Variants in POLR2E observed in about 807,000 individuals in gnomAD.
POLR2E encodes DNA-directed RNA polymerases I, II, and III subunit RPABC1.
In POLR2E, 35 loss-of-function variants were observed where a neutral mutation model predicts 29.8. The observed-to-expected ratio is 1.17, with a 90% CI of 0.90 to 1.55. The LOEUF is 1.55. POLR2E is among the 40% of genes most tolerant of loss of function. The pLI is 0.00. For synonymous variants in POLR2E, 174 were observed against 112.6 expected (o/e 1.55, Z -3.45); for missense variants, 287 against 288.6 (o/e 0.99, Z 0.04).
rs1280634728 is a variant in POLR2E, at chr19:1,094,018, A to C, written c.118T>G (p.Phe40Val). The change falls in exon 2 of 8, where the codon TTC becomes GTC. Residue 40 changes from phenylalanine to valine, a missense_variant. Phe to Val is a conservative substitution (Grantham distance 50, BLOSUM62 -1). Transcript: ENST00000615234. ...GGCTTGTCCCCAGATTGGGCTTTGA[A>C]CTCCTCCAGGGTCTGGTCAAGCTCG... ...QDELDQTLEE[F>V]KAQSGDKPSE... 1.2e-6 allele frequency: 2 copies of C among 1,613,392 alleles called. No homozygotes were observed. The highest frequency in any genetic ancestry group is 1.7e-6 in the Non-Finnish European group (2 of 1,179,800).
chr19:1,088,234 A>G lies in POLR2E; in HGVS notation c.*501T>C, dbSNP rs1363621838. 2 of 152,302 alleles carry G rather than the reference A, an allele frequency of 1.3e-5. No homozygotes were observed. Among genetic ancestry groups the G allele is most frequent in the South Asian group, 2.1e-4 (1 of 4,834 alleles). 9.4% of individuals were successfully genotyped at this position (152,302 alleles called of 1,614,324 possible). ...TGAAAACACCCAACCTCCTACAACA[A>G]CCGAGAACTCCAGAGCTGGCATCTC... On this transcript the variant is annotated 3_prime_UTR_variant, in exon 8 of 8. Coordinates refer to ENST00000615234, the MANE Select transcript of POLR2E (RefSeq NM_002695.5).
chr19:1,089,684 C>T (rs1012284653), intron 6 of POLR2E, 133 bp from the exon 7 acceptor site: 31 of 840,882 alleles, frequency 3.7e-5, no homozygotes, highest in East Asian at 5.3e-5. Flanking sequence ...CTGTGGGACC[C>T]GCTCCCTGGG....
Position 1,093,165 on chromosome 19 carries a change from G to A in POLR2E, c.232+739C>T, listed in dbSNP as rs886275187. Among the ~76,000 whole-genome samples, 7 of 151,846 alleles carry A rather than the reference G, an allele frequency of 4.6e-5. No homozygotes were observed. In the East Asian group the frequency reaches 5.8e-4, roughly 13 times the overall value. ...GGCACCACTGCACTCCAGCCTGGGC[G>A]ACAGATTGAGACTCTTTTTCAAAAA... On this transcript the variant is annotated intron_variant, in intron 2 of 7. Coordinates refer to ENST00000615234, the MANE Select transcript of POLR2E (RefSeq NM_002695.5).
In POLR2E at chr19:1,087,076, G is replaced by T. The variant is rs913123845; in HGVS notation, c.*1659C>A. On this transcript the variant is annotated 3_prime_UTR_variant, in exon 8 of 8. Transcript: ENST00000615234. ...CACAATCGTAGCTCACTGCAGCCTC[G>T]GCCTCCTGGGCTCAAATGATCCTCC... 6.6e-6 allele frequency: 1 copy of T among 151,692 alleles called. No individual in the cohort carries two copies. The highest frequency in any genetic ancestry group is 1.5e-5 in the Non-Finnish European group (1 of 67,968). 9.4% of individuals were successfully genotyped at this position (151,692 alleles called of 1,614,324 possible).
At chr19:1,088,989 G>A (rs1012613782) in intron 7 of POLR2E, among the ~76,000 whole-genome samples, 1 of 152,176 alleles carries the variant, frequency 6.6e-6, no homozygotes, top group Non-Finnish European at 1.5e-5. Context: ...ACAGCAGCTC[G>A]CCATGACCAG....
chr19:1,092,683 G>A (rs376764870), intron 2 of POLR2E, among the ~76,000 whole-genome samples: 9 of 150,790 alleles, frequency 6.0e-5, no homozygotes, highest in African/African-American at 2.2e-4. Flanking sequence ...GCAAGACTCT[G>A]TCTCAAAAAA....
At chr19:1,089,275 A>G (rs758811146) in intron 7 of POLR2E, among the ~76,000 whole-genome samples, 197 bp downstream of exon 7, 1 of 152,214 alleles carries the variant, frequency 6.6e-6, no homozygotes, top group Non-Finnish European at 1.5e-5. Flanking sequence ...CCAGGCGCAC[A>G]GCCCCAAGAG....
intron 1 of POLR2E, chr19:1,094,482 C>T: frequency 5.2e-6 from 1 of 192,850 alleles, no homozygotes; most frequent in Non-Finnish European, 1.0e-5. Flanking sequence ...TTCAAGGATG[C>T]AGTGAGCTAT....
rs755574595 is a variant in POLR2E, at chr19:1,089,887, C to T, written c.564G>A (p.Gly188=). 4.3e-6 allele frequency: 7 copies of T among 1,611,390 alleles called. No individual in the cohort carries two copies. In the South Asian group the frequency reaches 7.7e-5, roughly 18 times the overall value. Residue 188 remains glycine, a synonymous_variant, in exon 6 of 8, where the codon GGG becomes GGA. Coordinates refer to ENST00000615234, the MANE Select transcript of POLR2E (RefSeq NM_002695.5). The part of the protein sequence containing the change: ...PVARYFGIKR[G]QVVKIIRPSE... ...CCCTTCTCCCCACAGGGCTCACCTG[C>T]CCACGCTTTATCCCAAAGTAGCGCG...
At chr19:1,090,482 T>TTC (rs1432160273) in intron 4 of POLR2E, among the ~76,000 whole-genome samples, 1 of 148,562 alleles carries the variant, frequency 6.7e-6, no homozygotes, top group African/African-American at 2.5e-5. Context: ...TTTTTTTTTT[T>TTC]TGAGATGGAG....
In POLR2E at chr19:1,088,452, G is replaced by C. The variant is rs1373222302; in HGVS notation, c.*283C>G. The C allele has an allele frequency of 1.3e-5, 2 of 152,322 alleles. No homozygotes were observed. Among genetic ancestry groups the C allele is most frequent in the African/African-American group, 2.4e-5 (1 of 41,466 alleles). 9.4% of individuals were successfully genotyped at this position (152,322 alleles called of 1,614,324 possible). ...AACAGAGGGGACCCAGCGTGGTCTG[G>C]GTGAAGACCCGGCACCAGCTGCCCC... On this transcript the variant is annotated 3_prime_UTR_variant, in exon 8 of 8. Transcript: ENST00000615234.
chr19:1,090,814 G>T, intron 4 of POLR2E, 94 bp downstream of exon 4: 2 of 1,103,090 alleles, frequency 1.8e-6, no homozygotes, highest in Non-Finnish European at 2.6e-6. Context: ...AGGAACACCT[G>T]CCCTGGGCCC....
intron 4 of POLR2E, among the ~76,000 whole-genome samples, chr19:1,090,665 G>A (rs1283987250): frequency 2.6e-5 from 4 of 151,644 alleles, no homozygotes; most frequent in African/African-American, 4.8e-5. Flanking sequence ...TGATCCGCCC[G>A]CCTCGGCCTC....
rs12253 is a variant in POLR2E, at chr19:1,088,640, G to C, written c.*95C>G. 0.098 allele frequency: 14,938 copies of C among 152,732 alleles called. 762 individuals carry two copies. Among genetic ancestry groups the C allele is most frequent in the South Asian group, 0.12 (570 of 4,918 alleles). The allele number at this position is 152,732 out of a possible 1,614,324, so 9.5% of individuals were successfully genotyped here. ...GAGTCCAGAGGAGCAGCAGCCGTGA[G>C]AGCTGTGGGGGCCGGATTCTGGCAG... On this transcript the variant is annotated 3_prime_UTR_variant, in exon 8 of 8. Coordinates refer to ENST00000615234, the MANE Select transcript of POLR2E (RefSeq NM_002695.5).
At chr19:1,093,169 G>A (rs1276738686) in intron 2 of POLR2E, among the ~76,000 whole-genome samples, 1 of 151,908 alleles carries the variant, frequency 6.6e-6, no homozygotes, top group Non-Finnish European at 1.5e-5. Flanking sequence ...CTGGGCGACA[G>A]ATTGAGACTC....
In POLR2E at chr19:1,095,342, G is replaced by A. The variant is rs754849792; in HGVS notation, c.-27C>T. 5.0e-6 allele frequency: 8 copies of A among 1,612,102 alleles called. No homozygotes were observed. The highest frequency in any genetic ancestry group is 1.7e-5 in the Admixed American group (1 of 59,980). ...GCAGCCTCCGCCGCCGCCGCCGCTC[G>A]CACCCCTTCTCCGCGCGAGAACCCG... On this transcript the variant is annotated 5_prime_UTR_variant, in exon 1 of 8. Coordinates refer to ENST00000615234, the MANE Select transcript of POLR2E (RefSeq NM_002695.5).
Position 1,087,481 on chromosome 19 carries a change from CTA to C in POLR2E, c.*1252_*1253del, listed in dbSNP as rs1456610804. The C allele has an allele frequency of 6.6e-6, 1 of 152,278 alleles. No individual in the cohort carries two copies. The highest frequency in any genetic ancestry group is 2.4e-5 in the African/African-American group (1 of 41,428). The allele number at this position is 152,278 out of a possible 1,614,324, so 9.4% of individuals were successfully genotyped here. ...TCCAGAATTTTCTCATCTTCCCAAA[CTA>C]AAACTGTGCACATGACACACTCTGT... On this transcript the variant is annotated 3_prime_UTR_variant, in exon 8 of 8. Coordinates refer to ENST00000615234, the MANE Select transcript of POLR2E (RefSeq NM_002695.5).
At chr19:1,089,572 G>A (rs1350733962) in intron 6 of POLR2E, 21 bp from the exon 7 acceptor site, 13 of 1,606,576 alleles carry the variant, frequency 8.1e-6, no homozygotes, top group East Asian at 6.7e-5. Context: ...AGAGAGCAGG[G>A]GCTGCGAATG....
chr19:1,093,091 C>A (rs1240350816), intron 2 of POLR2E, among the ~76,000 whole-genome samples: 2 of 150,404 alleles, frequency 1.3e-5, no homozygotes, highest in South Asian at 4.2e-4. Context: ...CAAGCTGAGG[C>A]AGGAGAATCG....
Sources: allele counts gnomAD v4.1 joint callset (sites outside exome capture counted in the v4.1 genomes callset), GRCh38; gene constraint gnomAD v4.1.1; transcripts MANE v1.5; gene names NCBI Gene and HGNC (gene_info 2026-07-23, HGNC 2026-07-21).